Variants in AUTS2 observed in about 807,000 individuals in gnomAD.
AUTS2 encodes the protein autism susceptibility gene 2 protein.
AUTS2 carries 17 observed loss-of-function variants against 112.4 expected under a neutral mutation model. The ratio of observed to expected loss-of-function variants is 0.15; its 90% CI spans 0.10 to 0.23. AUTS2 has a LOEUF of 0.23. Among genes scored for constraint, AUTS2 ranks in the 10% least tolerant of loss-of-function variants. The probability of loss-of-function intolerance (pLI) is 1.00; values close to 1 mark genes in which losing one functional copy is unlikely to be tolerated. For missense variants in AUTS2, 1,510 were observed against 1,701.6 expected, an observed-to-expected ratio of 0.89 and a Z score of 1.98; for synonymous variants, 751 against 702.7, an observed-to-expected ratio of 1.07 and a Z score of -1.09.
intron 2 of AUTS2, among the ~76,000 whole-genome samples, chr7:70,069,582 A>G (rs761598943): frequency 2.0e-5 from 3 of 152,328 alleles, no homozygotes; most frequent in African/African-American, 7.2e-5. Context: ...ACTGCTTATT[A>G]TAGATTAGCT....
At chr7:70,373,124 C>A (rs1039110912) in intron 4 of AUTS2, among the ~76,000 whole-genome samples, 1 of 140,702 alleles carries the variant, frequency 7.1e-6, no homozygotes, top group Non-Finnish European at 1.6e-5. Context: ...TCAAGACAAG[C>A]TTTTTTTTTT....
chr7:70,791,214 G>GTCTC lies in AUTS2; in HGVS notation c.*219_*222dup, dbSNP rs1364366429. 7 of 420,316 alleles carry GTCTC rather than the reference G, an allele frequency of 1.7e-5. No individual in the cohort carries two copies. The highest frequency in any genetic ancestry group is 1.2e-4 in the African/African-American group (6 of 48,056). The allele number at this position is 420,316 out of a possible 1,614,324, so 26.0% of individuals were successfully genotyped here. A position where few individuals can be genotyped will look rare whatever the true frequency, so the allele number is the denominator to read the frequency against. On this transcript the variant is annotated 3_prime_UTR_variant, in exon 19 of 19. Coordinates refer to ENST00000342771, the MANE Select transcript of AUTS2 (RefSeq NM_015570.4). ...TTTTAGCCCAGTCATATGTTCTCAC[G>GTCTC]TCTCCTACTTTTTGTTTCTCGTATA...
chr7:70,504,957 A>G (rs1798906296), intron 5 of AUTS2, among the ~76,000 whole-genome samples: 1 of 152,230 alleles, frequency 6.6e-6, no homozygotes, highest in Non-Finnish European at 1.5e-5. Flanking sequence ...GGAAAAAGAA[A>G]AAAGTATGAT....
rs578233775 is a variant in AUTS2, at chr7:70,558,653, A to G, written c.690+122872A>G. ...AGCTTTCTGAAAAATATGCTACTGT[A>G]GAACAACTCATTTCTGAATAGCATC... On this transcript the variant is annotated intron_variant, in intron 5 of 18. Coordinates refer to ENST00000342771, the MANE Select transcript of AUTS2 (RefSeq NM_015570.4). Among the ~76,000 whole-genome samples, 4 of 152,372 alleles carry G rather than the reference A, an allele frequency of 2.6e-5. No individual in the cohort carries two copies. In the South Asian group the frequency reaches 8.3e-4, roughly 32 times the overall value.
chr7:70,535,006 A>C (rs1355320052), intron 5 of AUTS2, among the ~76,000 whole-genome samples: 1 of 151,430 alleles, frequency 6.6e-6, no homozygotes, highest in Non-Finnish European at 1.5e-5. Flanking sequence ...TAAAGTATGA[A>C]TACCATAAAC....
intron 4 of AUTS2, among the ~76,000 whole-genome samples, chr7:70,178,577 A>G (rs1584838980): frequency 6.6e-6 from 1 of 152,094 alleles, no homozygotes; most frequent in Non-Finnish European, 1.5e-5. Context: ...AGGCGGGTGG[A>G]TCCCATGAGG....
intron 5 of AUTS2, among the ~76,000 whole-genome samples, chr7:70,456,179 C>T (rs1796731815): frequency 6.6e-6 from 1 of 152,200 alleles, no homozygotes; most frequent in South Asian, 2.1e-4. Context: ...CTGGCTTTGG[C>T]TCTGGTGCCC....
At chr7:69,804,328 C>T (rs1667287537) in intron 1 of AUTS2, among the ~76,000 whole-genome samples, 1 of 152,134 alleles carries the variant, frequency 6.6e-6, no homozygotes, top group Non-Finnish European at 1.5e-5. Context: ...CAGGTATCCC[C>T]CAGTGGGCAC....
chr7:69,722,963 T>G (rs1472643083), intron 1 of AUTS2, among the ~76,000 whole-genome samples: 1 of 152,122 alleles, frequency 6.6e-6, no homozygotes, highest in Admixed American at 6.5e-5. Context: ...AGCTTTTTGC[T>G]GCTTGTTTTC....
chr7:69,978,763 A>G (rs1031731918), intron 2 of AUTS2, among the ~76,000 whole-genome samples: 5 of 151,652 alleles, frequency 3.3e-5, no homozygotes, highest in Non-Finnish European at 7.4e-5. Flanking sequence ...GGAGGATCTC[A>G]TGAGCTCAGG....
chr7:69,812,315 T>G (rs1790578504), intron 1 of AUTS2, among the ~76,000 whole-genome samples: 1 of 152,198 alleles, frequency 6.6e-6, no homozygotes, highest in Non-Finnish European at 1.5e-5. Context: ...TGATACTATG[T>G]TTAAGAACAC....
chr7:69,716,795 A>C (rs578084279), intron 1 of AUTS2, among the ~76,000 whole-genome samples: 1 of 152,172 alleles, frequency 6.6e-6, no homozygotes, highest in African/African-American at 2.4e-5. Flanking sequence ...GGTTTGATTA[A>C]TTTGCTGGAG....
At chr7:70,211,298 C>A (rs188706362) in intron 4 of AUTS2, among the ~76,000 whole-genome samples, 73 of 151,452 alleles carry the variant, frequency 4.8e-4, no homozygotes, top group Non-Finnish European at 4.0e-4. Flanking sequence ...TTCTGTCTTA[C>A]TGTAACTCCT....
At chr7:69,667,553 G>A (rs751341433) in intron 1 of AUTS2, among the ~76,000 whole-genome samples, 2 of 151,610 alleles carry the variant, frequency 1.3e-5, no homozygotes, top group Admixed American at 6.6e-5. Context: ...ATGGGGTTTC[G>A]CCATATTGGC....
intron 6 of AUTS2, among the ~76,000 whole-genome samples, chr7:70,699,760 G>T (rs1050726487): frequency 1.3e-5 from 2 of 152,108 alleles, no homozygotes; most frequent in Non-Finnish European, 2.9e-5. Context: ...TTGTATAAAT[G>T]TGTTATCCAT....
rs1554464436 is a variant in AUTS2 at position 70,697,568 on chromosome 7, C to CCCT, written c.691-999_691-998insTCC. Among the ~76,000 whole-genome samples, 41 of 142,814 alleles carry CCCT rather than the reference C, an allele frequency of 2.9e-4. 1 individual carries two copies. The highest frequency in any genetic ancestry group is 9.1e-4 in the African/African-American group (36 of 39,582). 93.7% of individuals were successfully genotyped at this position (142,814 alleles called of 152,430 possible). ...ATGCTGCACTTCAGAATTCCCCCCCCCCATTTCCTATATTTCCTTTTTCCA... is the reference window on the plus strand; with the variant it reads ...ATGCTGCACTTCAGAATTCCCCCCCCCCTCCATTTCCTATATTTCCTTTTTCCA... On this transcript the variant is annotated intron_variant, in intron 5 of 18. Coordinates refer to ENST00000342771, the MANE Select transcript of AUTS2 (RefSeq NM_015570.4).
chr7:69,740,445 G>A (rs933436694), intron 1 of AUTS2, among the ~76,000 whole-genome samples: 8 of 152,090 alleles, frequency 5.3e-5, no homozygotes, highest in African/African-American at 1.7e-4. Context: ...GAAATCTTAG[G>A]CAAGTGAAAG....
At chr7:70,275,254 A>C (rs1787875465) in intron 4 of AUTS2, among the ~76,000 whole-genome samples, 1 of 152,196 alleles carries the variant, frequency 6.6e-6, no homozygotes, top group African/African-American at 2.4e-5. Flanking sequence ...CTGCAATACG[A>C]ATGAATCAAT....
chr7:70,483,827 T>C (rs1189206945), intron 5 of AUTS2, among the ~76,000 whole-genome samples: 1 of 152,122 alleles, frequency 6.6e-6, no homozygotes, highest in Non-Finnish European at 1.5e-5. Context: ...TTATTAAAGA[T>C]AGCTAAGTTC....
Sources: allele counts gnomAD v4.1 joint callset (sites outside exome capture counted in the v4.1 genomes callset), GRCh38; gene constraint gnomAD v4.1.1; transcripts MANE v1.5; gene names NCBI Gene and HGNC (gene_info 2026-07-23, HGNC 2026-07-21).